The following SETBP1 variants were observed in gnomAD, a reference collection of about 807,000 sequenced individuals.
SETBP1 encodes the protein SET binding protein 1, also known as SET-binding protein.
A neutral mutation model predicts 101.0 loss-of-function variants in SETBP1; 9 were observed. The ratio of observed to expected loss-of-function variants is 0.09; its 90% CI spans 0.05 to 0.16. The LOEUF (loss-of-function observed/expected upper bound fraction) is 0.16. Ranked by LOEUF, SETBP1 falls within the 10% of genes least tolerant of loss-of-function variation. The pLI, the probability that SETBP1 is intolerant of heterozygous loss-of-function variation, is 1.00. For synonymous variants in SETBP1, 818 were observed against 788.5 expected (o/e 1.04, Z -0.63); for missense variants, 1,858 against 2,033.8 (o/e 0.91, Z 1.66).
At chr18:45,039,312 C>A (rs2073462441) in intron 5 of SETBP1, among the ~76,000 whole-genome samples, 1 of 152,178 alleles carries the variant, frequency 6.6e-6, no homozygotes, top group South Asian at 2.1e-4. Flanking sequence ...CACCTCTGTT[C>A]CCCACAGTGC....
At chr18:44,886,793 A>T (rs1475033519) in intron 3 of SETBP1, among the ~76,000 whole-genome samples, 1 of 146,856 alleles carries the variant, frequency 6.8e-6, no homozygotes. Context: ...TATTATTATT[A>T]GTTAAAAGGA....
chr18:44,792,281 G>A (rs373112412), intron 2 of SETBP1, among the ~76,000 whole-genome samples: 28 of 152,292 alleles, frequency 1.8e-4, no homozygotes, highest in African/African-American at 6.7e-4. Context: ...GAAATATGGG[G>A]AAAGGTCTTT....
rs1456663825 is a variant in SETBP1, at chr18:45,066,391, C to T, written c.*2693C>T. 2.0e-5 allele frequency: 3 copies of T among 152,198 alleles called. No individual in the cohort carries two copies. The highest frequency in any genetic ancestry group is 7.2e-5 in the African/African-American group (3 of 41,448). The allele number at this position is 152,198 out of a possible 1,614,324, so 9.4% of individuals were successfully genotyped here. On this transcript the variant is annotated 3_prime_UTR_variant, in exon 6 of 6. Transcript: ENST00000649279. ...TTGGAGGTGGAAGCAAGTTCAGTCA[C>T]CTACTCAGCTTCCTCTCTCCACCAC...
chr18:44,750,203 G>A (rs2070350425), intron 2 of SETBP1, among the ~76,000 whole-genome samples: 1 of 152,218 alleles, frequency 6.6e-6, no homozygotes, highest in East Asian at 1.9e-4. Context: ...TTTAACAACA[G>A]ACATGTATTT....
chr18:44,888,412 G>C (rs2069697244), intron 3 of SETBP1, among the ~76,000 whole-genome samples: 2 of 152,068 alleles, frequency 1.3e-5, no homozygotes, highest in African/African-American at 4.8e-5. Flanking sequence ...CCAAGAAGTA[G>C]TATTTCAAAG....
intron 2 of SETBP1, among the ~76,000 whole-genome samples, chr18:44,772,438 G>A (rs1234463327): frequency 6.6e-6 from 1 of 152,148 alleles, no homozygotes; most frequent in Non-Finnish European, 1.5e-5. Context: ...TTGGAGTCCT[G>A]CCCTGGCCCA....
chr18:44,880,889 G>A (rs1372633252), intron 3 of SETBP1, among the ~76,000 whole-genome samples: 3 of 152,136 alleles, frequency 2.0e-5, no homozygotes, highest in Non-Finnish European at 2.9e-5. Context: ...ATGAGATCTG[G>A]GTGGGGACAA....
At chr18:44,809,008 T>C (rs1350216249) in intron 2 of SETBP1, among the ~76,000 whole-genome samples, 1 of 152,202 alleles carries the variant, frequency 6.6e-6, no homozygotes, top group East Asian at 1.9e-4. Flanking sequence ...TCCTGAAAGG[T>C]AATTCTTGGC....
chr18:44,702,709 A>G (rs2069138553), intron 2 of SETBP1, among the ~76,000 whole-genome samples: 1 of 152,208 alleles, frequency 6.6e-6, no homozygotes, highest in Non-Finnish European at 1.5e-5. Flanking sequence ...CCTAAGATGA[A>G]TTACTCACCT....
At chr18:44,867,692 A>G (rs936788649) in intron 2 of SETBP1, among the ~76,000 whole-genome samples, 1 of 147,754 alleles carries the variant, frequency 6.8e-6, no homozygotes, top group Non-Finnish European at 1.5e-5. Context: ...CCTGCCCCCA[A>G]GACACCTTCC....
intron 3 of SETBP1, among the ~76,000 whole-genome samples, chr18:44,925,275 C>A (rs2070680818): frequency 6.6e-6 from 1 of 151,842 alleles, no homozygotes; most frequent in South Asian, 2.1e-4. Flanking sequence ...CCTTTCATTT[C>A]CCCGTATAAA....
intron 2 of SETBP1, among the ~76,000 whole-genome samples, chr18:44,816,611 A>G (rs1053847406): frequency 2.0e-5 from 3 of 152,168 alleles, no homozygotes; most frequent in African/African-American, 4.8e-5. Flanking sequence ...TCAGCAAAAG[A>G]AGGGGCGTAG....
chr18:45,048,186 C>T (rs2073650204), intron 5 of SETBP1, among the ~76,000 whole-genome samples: 3 of 152,162 alleles, frequency 2.0e-5, no homozygotes, highest in Non-Finnish European at 4.4e-5. Context: ...ATAGTACTGC[C>T]ATACTTTTTA....
At chr18:45,059,990 C>T (rs1026483477) in intron 5 of SETBP1, among the ~76,000 whole-genome samples, 4 of 152,098 alleles carry the variant, frequency 2.6e-5, no homozygotes, top group East Asian at 1.9e-4. Flanking sequence ...TCAAGATGTA[C>T]GTGTGTTTTT....
intron 2 of SETBP1, among the ~76,000 whole-genome samples, chr18:44,772,465 G>A (rs1218303443): frequency 2.0e-5 from 3 of 152,164 alleles, no homozygotes; most frequent in Admixed American, 1.3e-4. Context: ...ACTGGGAACC[G>A]CATCCCTGGG....
chr18:44,792,374 AG>A (rs1337413054), intron 2 of SETBP1, among the ~76,000 whole-genome samples: 5 of 152,320 alleles, frequency 3.3e-5, no homozygotes, highest in Admixed American at 2.0e-4. Context: ...CCTTGCTGCA[AG>A]GAACAGCAGG....
chr18:45,061,228 A>T (rs2073886020), intron 5 of SETBP1, among the ~76,000 whole-genome samples: 1 of 152,190 alleles, frequency 6.6e-6, no homozygotes, highest in Admixed American at 6.5e-5. Context: ...TAAAAATCCA[A>T]ACTAGAACTC....
chr18:44,680,570 G>T (rs1192331713), upstream of SETBP1, among the ~76,000 whole-genome samples: 1 of 152,172 alleles, frequency 6.6e-6, no homozygotes, highest in Admixed American at 6.5e-5. Flanking sequence ...ACCGGGCCGA[G>T]GGGGCGGGAT....
chr18:44,732,202 G>A (rs570323371), intron 2 of SETBP1, among the ~76,000 whole-genome samples: 6 of 152,276 alleles, frequency 3.9e-5, no homozygotes, highest in Non-Finnish European at 7.4e-5. Flanking sequence ...ACATACCCTC[G>A]TTATGAGTCC....
Sources: gnomAD v4.1 joint callset for allele counts (sites outside exome capture counted in the v4.1 genomes callset) on GRCh38, gnomAD v4.1.1 for gene constraint, MANE v1.5 for transcripts, NCBI Gene and HGNC (gene_info 2026-07-23, HGNC 2026-07-21) for gene names.